NRXN1: variants seen among roughly 807,000 people sequenced by gnomAD.
NRXN1 encodes neurexin-1.
NRXN1 carries 39 observed loss-of-function variants against 150.9 expected under a neutral mutation model. The ratio of observed to expected loss-of-function variants is 0.26; its 90% CI spans 0.20 to 0.34. NRXN1 has a LOEUF of 0.34. NRXN1 is among the 10% of genes least tolerant of loss of function. NRXN1 has a pLI of 1.00. For synonymous variants in NRXN1, 924 were observed against 757.0 expected (o/e 1.22, Z -3.62); for missense variants, 1,815 against 1,949.9 (o/e 0.93, Z 1.30).
intron 2 of NRXN1, among the ~76,000 whole-genome samples, chr2:50,940,256 C>A (rs1363707125): frequency 6.6e-6 from 1 of 151,968 alleles, no homozygotes; most frequent in Non-Finnish European, 1.5e-5. Flanking sequence ...GGCGGAGGAT[C>A]ATGAGGTTAA....
At chr2:50,715,617 G>A (rs1695764429) in intron 5 of NRXN1, among the ~76,000 whole-genome samples, 1 of 152,048 alleles carries the variant, frequency 6.6e-6, no homozygotes, top group African/African-American at 2.4e-5. Flanking sequence ...TTCTCACAAT[G>A]AATTTCCATT....
intron 17 of NRXN1, among the ~76,000 whole-genome samples, chr2:50,336,812 C>G (rs1055469486): frequency 6.6e-6 from 1 of 152,026 alleles, no homozygotes; most frequent in Non-Finnish European, 1.5e-5. Context: ...GATGAGGAAG[C>G]GAAGCACAAG....
chr2:50,004,296 T>C lies in NRXN1; in HGVS notation c.4128+48975A>G, dbSNP rs574396370. 4.6e-5 allele frequency among the ~76,000 whole-genome samples: 7 copies of C among 152,232 alleles called. No homozygotes were observed. The South Asian group carries it at 1.4e-3, about 32-fold the overall frequency. ...ATAATAAAATATTTGTGGTAGTCCATATGATTTGGTCATTCTGCAATACAT... is the reference window on the plus strand; with the variant it reads ...ATAATAAAATATTTGTGGTAGTCCACATGATTTGGTCATTCTGCAATACAT... On this transcript the variant is annotated intron_variant, in intron 21 of 22. Transcript: ENST00000401669.
In NRXN1 at chr2:50,418,921, A is replaced by G. The variant is rs1433012161; in HGVS notation, c.3364+46521T>C. Among the ~76,000 whole-genome samples the G allele has an allele frequency of 2.0e-5, 3 of 151,956 alleles. No individual in the cohort carries two copies. In the East Asian group the frequency reaches 5.8e-4, roughly 29 times the overall value. ...ATTTTTATCATATTTAAGTTACAAA[A>G]ATCTTTTTTATTTTAAGCTTTTTAT... On this transcript the variant is annotated intron_variant, in intron 17 of 22. Transcript: ENST00000401669.
In NRXN1 at chr2:50,613,620, G is replaced by A. The variant is rs185367137; in HGVS notation, c.1320+6402C>T. Reference sequence around the variant, plus strand: ...TTTTCTCATAGGCTATTAATCTTGCGGGCATTAGCAAAATCTATCTTAAAA... The same window carrying A: ...TTTTCTCATAGGCTATTAATCTTGCAGGCATTAGCAAAATCTATCTTAAAA... On this transcript the variant is annotated intron_variant, in intron 8 of 22. Coordinates refer to ENST00000401669, the MANE Select transcript of NRXN1 (RefSeq NM_001330078.2). Among the ~76,000 whole-genome samples, 375 of 152,170 alleles carry A rather than the reference G, an allele frequency of 2.5e-3. 1 individual carries two copies. Among genetic ancestry groups the A allele is most frequent in the Middle Eastern group, 0.01 (3 of 294 alleles).
chr2:50,585,471 C>A (rs569195409), intron 8 of NRXN1, among the ~76,000 whole-genome samples: 1 of 151,998 alleles, frequency 6.6e-6, no homozygotes, highest in East Asian at 1.9e-4. Context: ...ATATACTTAA[C>A]GCTAATGAAT....
rs566036683 is a variant in NRXN1 at position 50,411,726 on chromosome 2, G to C, written c.3364+53716C>G. Among the ~76,000 whole-genome samples, 13 of 151,432 alleles carry C rather than the reference G, an allele frequency of 8.6e-5. No individual in the cohort carries two copies. The East Asian group carries it at 1.8e-3, about 21-fold the overall frequency. ...GCAGCCCCCGCCCAGCCGCCACCCT[G>C]TCTGGGAGGTGGGGGGCGCCTCTGC... is the stretch of plus-strand genomic sequence containing the variant. On this transcript the variant is annotated intron_variant, in intron 17 of 22. Coordinates refer to ENST00000401669, the MANE Select transcript of NRXN1 (RefSeq NM_001330078.2).
intron 21 of NRXN1, among the ~76,000 whole-genome samples, chr2:50,025,401 G>C (rs1688134552): frequency 6.6e-6 from 1 of 152,182 alleles, no homozygotes; most frequent in African/African-American, 2.4e-5. Flanking sequence ...CAAGGAGTTA[G>C]AGATGAGGAG....
intron 15 of NRXN1, among the ~76,000 whole-genome samples, chr2:50,477,455 G>A (rs1395207687): frequency 1.3e-5 from 2 of 152,118 alleles, no homozygotes; most frequent in Admixed American, 1.3e-4. Context: ...GGAGCTTAGA[G>A]GCCTTCCTTG....
chr2:50,512,627 T>C (rs1404522761), intron 12 of NRXN1, among the ~76,000 whole-genome samples: 1 of 152,208 alleles, frequency 6.6e-6, no homozygotes, highest in South Asian at 2.1e-4. Flanking sequence ...TTCCTTGTTA[T>C]TGGCAGGATG....
At chr2:50,076,884 C>T (rs1697190188) in intron 19 of NRXN1, among the ~76,000 whole-genome samples, 2 of 152,158 alleles carry the variant, frequency 1.3e-5, no homozygotes, top group Non-Finnish European at 2.9e-5. Context: ...GGTATCACAA[C>T]CTTAGCACAA....
At chr2:50,908,030 T>C (rs1304335486) in intron 5 of NRXN1, among the ~76,000 whole-genome samples, 1 of 152,146 alleles carries the variant, frequency 6.6e-6, no homozygotes, top group Non-Finnish European at 1.5e-5. Context: ...GGCTTTTAAC[T>C]ATTGATGAGA....
At chr2:50,803,457 C>T (rs920154469) in intron 5 of NRXN1, among the ~76,000 whole-genome samples, 14 of 152,152 alleles carry the variant, frequency 9.2e-5, no homozygotes, top group African/African-American at 3.4e-4. Context: ...TCTAGTAAGT[C>T]TTTCCATTTC....
chr2:50,631,022 A>G, intron 5 of NRXN1: 2 of 411,880 alleles, frequency 4.9e-6, no homozygotes, highest in Non-Finnish European at 9.8e-6. Flanking sequence ...TAAGAAATTT[A>G]CTATTATCTT....
chr2:50,813,649 C>A (rs2105780330), intron 5 of NRXN1, among the ~76,000 whole-genome samples: 1 of 152,226 alleles, frequency 6.6e-6, no homozygotes, highest in Admixed American at 6.5e-5. Context: ...ATTACTAAGT[C>A]TGAATCAGCT....
chr2:50,888,295 T>C (rs971802932), intron 5 of NRXN1, among the ~76,000 whole-genome samples: 3 of 151,558 alleles, frequency 2.0e-5, no homozygotes, highest in East Asian at 1.9e-4. Flanking sequence ...ATTATACAAA[T>C]TGGAGGGAAA....
intron 5 of NRXN1, among the ~76,000 whole-genome samples, chr2:50,860,592 T>C (rs1675986246): frequency 1.3e-5 from 2 of 151,982 alleles, no homozygotes; most frequent in South Asian, 2.1e-4. Context: ...CCAGCTCTTA[T>C]GGAAAGGAGT....
intron 5 of NRXN1, among the ~76,000 whole-genome samples, chr2:50,728,940 C>T (rs1302877818): frequency 6.6e-6 from 1 of 152,186 alleles, no homozygotes; most frequent in Non-Finnish European, 1.5e-5. Context: ...GTTGAACACA[C>T]TGTGCTGGAA....
chr2:50,359,104 T>C (rs1398116395), intron 17 of NRXN1, among the ~76,000 whole-genome samples: 2 of 152,058 alleles, frequency 1.3e-5, no homozygotes, highest in Non-Finnish European at 2.9e-5. Context: ...ATCTGAAGTT[T>C]ACCAACAGCA....
Sources: gnomAD v4.1 joint callset for allele counts (sites outside exome capture counted in the v4.1 genomes callset) on GRCh38, gnomAD v4.1.1 for gene constraint, MANE v1.5 for transcripts, NCBI Gene and HGNC (gene_info 2026-07-23, HGNC 2026-07-21) for gene names.